The following TPD52L2 variants were observed in gnomAD, a reference collection of about 807,000 sequenced individuals.
TPD52L2 encodes the protein TPD52 like 2.
TPD52L2 carries 19 observed loss-of-function variants against 24.7 expected under a neutral mutation model. The observed-to-expected ratio is 0.77, with a 90% CI of 0.54 to 1.13. TPD52L2 has a LOEUF of 1.13. TPD52L2 is among the 50% of genes most tolerant of loss of function. TPD52L2 has a pLI of 0.00. For missense variants in TPD52L2, 236 were observed against 250.4 expected (o/e 0.94, Z 0.39); for synonymous variants, 104 against 100.2 (o/e 1.04, Z -0.23).
intron 4 of TPD52L2, chr20:63,876,741 G>C: frequency 2.2e-6 from 1 of 455,988 alleles, no homozygotes; most frequent in Non-Finnish European, 4.4e-6. Flanking sequence ...CGTGCACATG[G>C]AGCCTTTGCG....
intron 3 of TPD52L2, among the ~76,000 whole-genome samples, chr20:63,875,335 C>A (rs541504804): frequency 6.6e-6 from 1 of 152,024 alleles, no homozygotes; most frequent in Non-Finnish European, 1.5e-5. Flanking sequence ...GCCCTGTCCA[C>A]GTGGCTTCTC....
At chr20:63,875,009 G>T (rs918825080) in intron 3 of TPD52L2, among the ~76,000 whole-genome samples, 5 of 152,006 alleles carry the variant, frequency 3.3e-5, no homozygotes, top group Non-Finnish European at 7.4e-5. Context: ...GGGCGTGGTG[G>T]TGCGCACCTG....
intron 5 of TPD52L2, 50 bp from the exon 6 acceptor site, chr20:63,889,140 A>C (rs1181333360): frequency 1.3e-6 from 2 of 1,543,794 alleles, no homozygotes; most frequent in South Asian, 1.1e-5. Context: ...TTAGGAGAGC[A>C]GCACAACCCT....
At chr20:63,878,930 A>G (rs906027205) in intron 4 of TPD52L2, among the ~76,000 whole-genome samples, 2 of 152,074 alleles carry the variant, frequency 1.3e-5, no homozygotes, top group Non-Finnish European at 1.5e-5. Flanking sequence ...CCCATCTGTC[A>G]TGGAGTAATA....
At chr20:63,881,369 A>G (rs1286491830) in intron 4 of TPD52L2, among the ~76,000 whole-genome samples, 1 of 151,586 alleles carries the variant, frequency 6.6e-6, no homozygotes, top group East Asian at 1.9e-4. Flanking sequence ...CAAAAAAAAA[A>G]AAAAGAAAGA....
intron 5 of TPD52L2, among the ~76,000 whole-genome samples, chr20:63,886,340 G>A (rs1056453758): frequency 2.6e-5 from 4 of 151,786 alleles, no homozygotes; most frequent in African/African-American, 7.3e-5. Context: ...TGGCGTCCAG[G>A]CCTGAGTTTA....
chr20:63,876,310 C>G (rs1214518722), intron 4 of TPD52L2, among the ~76,000 whole-genome samples: 4 of 152,218 alleles, frequency 2.6e-5, no homozygotes, highest in African/African-American at 9.7e-5. Flanking sequence ...GAATTCCTTT[C>G]CTCCTTTAGG....
At position 63,890,032 on chromosome 20, in the gene TPD52L2, A is replaced by C. The variant is rs1345205778; in HGVS notation, c.*87A>C. 1 of 1,582,816 alleles carries C rather than the reference A, an allele frequency of 6.3e-7. No homozygotes were observed. The highest frequency in any genetic ancestry group is 1.3e-5 in the African/African-American group (1 of 74,318). On this transcript the variant is annotated 3_prime_UTR_variant, in exon 7 of 7. Transcript: ENST00000346249. ...GCTCTGTTCAGCGGAGCAGCCAGCC[A>C]GGGCGGATGAGCAGAGCCGGCCCTG...
At chr20:63,887,579 C>T (rs1452833058) in intron 5 of TPD52L2, 1 of 1,613,560 alleles carries the variant, frequency 6.2e-7, no homozygotes, top group Non-Finnish European at 8.5e-7. Context: ...ACTCCATCCG[C>T]CACTCAATAA....
At chr20:63,870,848 T>C (rs2052436725) in intron 2 of TPD52L2, among the ~76,000 whole-genome samples, 1 of 148,804 alleles carries the variant, frequency 6.7e-6, no homozygotes, top group Admixed American at 6.7e-5. Flanking sequence ...CTCCCGAATA[T>C]CTGGGATTAC....
At chr20:63,889,354 A>G in intron 6 of TPD52L2, 116 bp downstream of exon 6, 1 of 964,060 alleles carries the variant, frequency 1.0e-6, no homozygotes, top group Non-Finnish European at 1.6e-6. Context: ...GAAGTAATGC[A>G]GAGAGGTTCC....
At chr20:63,881,119 C>T (rs978673784) in intron 4 of TPD52L2, among the ~76,000 whole-genome samples, 4 of 152,156 alleles carry the variant, frequency 2.6e-5, no homozygotes, top group South Asian at 4.2e-4. Flanking sequence ...CCCAGCACTG[C>T]GGGAGGCCGA....
chr20:63,882,135 G>T (rs574788427), intron 4 of TPD52L2, among the ~76,000 whole-genome samples: 12 of 152,368 alleles, frequency 7.9e-5, no homozygotes, highest in Admixed American at 7.2e-4. Context: ...TGGAGCAGGG[G>T]CACCTTGCGG....
chr20:63,879,080 G>A (rs536939752), intron 4 of TPD52L2, among the ~76,000 whole-genome samples: 166 of 152,362 alleles, frequency 1.1e-3, no homozygotes, highest in African/African-American at 3.8e-3. Flanking sequence ...ATGGGACTGA[G>A]AAGGGGAAGG....
chr20:63,881,133 G>A (rs193256282), intron 4 of TPD52L2, among the ~76,000 whole-genome samples: 1 of 152,074 alleles, frequency 6.6e-6, no homozygotes, highest in African/African-American at 2.4e-5. Flanking sequence ...AGGCCGAGGC[G>A]GGTGGATCAC....
chr20:63,884,762 G>T (rs1433483131), intron 5 of TPD52L2, among the ~76,000 whole-genome samples: 2 of 150,230 alleles, frequency 1.3e-5, no homozygotes, highest in Admixed American at 1.3e-4. Flanking sequence ...ACTGTGCCAC[G>T]TGTTTGCACG....
Position 63,889,243 on chromosome 20 carries a change from T to G in TPD52L2, c.525+5T>G. The G allele has an allele frequency of 3.7e-6, 6 of 1,612,012 alleles. No homozygotes were observed. The highest frequency in any genetic ancestry group is 4.2e-6 in the Non-Finnish European group (5 of 1,178,798). ...GACCGAGTTGGGACCATAAAGGTAA[T>G]TGTACCTGGACTGTTTGATGGTCTT... On this transcript the variant is annotated splice_donor_5th_base_variant and intron_variant, in intron 6 of 6. Transcript: ENST00000346249.
intron 5 of TPD52L2, 136 bp from the exon 6 acceptor site, chr20:63,889,054 A>T (rs1600845739): frequency 1.4e-6 from 1 of 725,666 alleles, no homozygotes; most frequent in South Asian, 1.6e-5. Flanking sequence ...TGGCTGTCTC[A>T]CAGTTTTGCC....
intron 5 of TPD52L2, chr20:63,888,784 A>G: frequency 4.8e-6 from 1 of 206,842 alleles, no homozygotes; most frequent in South Asian, 9.3e-5. Context: ...CAGACTTTTC[A>G]TAACCTCAGT....
Sources: allele counts gnomAD v4.1 joint callset (sites outside exome capture counted in the v4.1 genomes callset), GRCh38; gene constraint gnomAD v4.1.1; transcripts MANE v1.5; gene names NCBI Gene and HGNC (gene_info 2026-07-23, HGNC 2026-07-21).